Variants in BEAN1 observed in about 807,000 individuals in gnomAD.
BEAN1 encodes protein BEAN1.
Under a neutral mutation model 17.7 loss-of-function variants are expected in BEAN1, and 17 were observed. The ratio of observed to expected loss-of-function variants is 0.96; its 90% CI spans 0.66 to 1.44. The LOEUF is 1.44. Ranked by LOEUF, BEAN1 falls within the 40% of genes most tolerant of loss-of-function variation. BEAN1 has a pLI of 0.00. For missense variants in BEAN1, 359 were observed against 374.1 expected (o/e 0.96, Z 0.33); for synonymous variants, 142 against 151.8 (o/e 0.94, Z 0.47).
chr16:66,456,332 A>AT (rs1257827575), intron 2 of BEAN1, among the ~76,000 whole-genome samples: 1 of 152,236 alleles, frequency 6.6e-6, no homozygotes, highest in Non-Finnish European at 1.5e-5. Flanking sequence ...CTGAGCCATG[A>AT]TTTTGAGTAG....
At chr16:66,467,903 T>C (rs1567500538) in intron 2 of BEAN1, among the ~76,000 whole-genome samples, 1 of 152,272 alleles carries the variant, frequency 6.6e-6, no homozygotes, top group South Asian at 2.1e-4. Flanking sequence ...GGCATGTTTC[T>C]AGCCCCAGCT....
At chr16:66,478,727 T>G (rs1236083667) in intron 4 of BEAN1, among the ~76,000 whole-genome samples, 4 of 152,180 alleles carry the variant, frequency 2.6e-5, no homozygotes, top group East Asian at 1.9e-4. Flanking sequence ...GTCGTTACTA[T>G]TTCGAGGCCA....
chr16:66,433,911 G>T (rs1315767633), intron 1 of BEAN1, among the ~76,000 whole-genome samples: 1 of 152,170 alleles, frequency 6.6e-6, no homozygotes, highest in African/African-American at 2.4e-5. Flanking sequence ...GCAGACCCAG[G>T]CTCTCTCCCC....
At chr16:66,438,452 C>A (rs1962119100) in intron 2 of BEAN1, among the ~76,000 whole-genome samples, 1 of 152,152 alleles carries the variant, frequency 6.6e-6, no homozygotes, top group Non-Finnish European at 1.5e-5. Flanking sequence ...AAACCCACTG[C>A]TCCTCTCAAA....
At chr16:66,460,280 A>G (rs1963032954) in intron 2 of BEAN1, among the ~76,000 whole-genome samples, 1 of 152,224 alleles carries the variant, frequency 6.6e-6, no homozygotes, top group Admixed American at 6.5e-5. Flanking sequence ...TGGAGGAAAG[A>G]CACTCTCCAC....
At chr16:66,459,315 CT>C (rs1298291222) in intron 2 of BEAN1, among the ~76,000 whole-genome samples, 1 of 151,556 alleles carries the variant, frequency 6.6e-6, no homozygotes, top group Non-Finnish European at 1.5e-5. Flanking sequence ...ATCTCTTTCT[CT>C]TTTTTTTTCT....
rs947271068 is a variant in BEAN1 at position 66,427,622 on chromosome 16, C to T, written c.-83+191C>T. 6.6e-6 allele frequency: 1 copy of T among 152,074 alleles called. No homozygotes were observed. The highest frequency in any genetic ancestry group is 1.5e-5 in the Non-Finnish European group (1 of 68,034). The allele number at this position is 152,074 out of a possible 1,614,324, so 9.4% of individuals were successfully genotyped here. On this transcript the variant is annotated intron_variant, in intron 1 of 4. Transcript: ENST00000536005. The surrounding 1 kb of genome is among the most constrained non-coding windows in gnomAD (Gnocchi z 4.7). ...GCGCGCTCGGAACGGAGCGGGATCC[C>T]GGGTCTCCCGCGGACCCTCGACCCC...
intron 2 of BEAN1, among the ~76,000 whole-genome samples, chr16:66,463,856 G>A (rs939688065): frequency 6.6e-6 from 1 of 152,132 alleles, no homozygotes; most frequent in African/African-American, 2.4e-5. Context: ...GCATTCAGTT[G>A]TCCTAACACC....
chr16:66,440,882 A>G (rs1292258834), intron 2 of BEAN1, among the ~76,000 whole-genome samples: 1 of 152,144 alleles, frequency 6.6e-6, no homozygotes, highest in Non-Finnish European at 1.5e-5. Context: ...TGGGGCGCTC[A>G]AGTCAGAAAT....
chr16:66,470,989 C>G (rs144985505), intron 3 of BEAN1, among the ~76,000 whole-genome samples: 1 of 152,338 alleles, frequency 6.6e-6, no homozygotes, highest in East Asian at 1.9e-4. Context: ...ACCCTTCACA[C>G]TGCAGGGTGA....
chr16:66,492,441 C>A (rs571506709), intron 4 of BEAN1, among the ~76,000 whole-genome samples: 1 of 151,744 alleles, frequency 6.6e-6, no homozygotes, highest in Non-Finnish European at 1.5e-5. Context: ...TCTCTTTTTG[C>A]GTTTTTTTGT....
chr16:66,447,113 T>A (rs1207330468), intron 2 of BEAN1, among the ~76,000 whole-genome samples: 1 of 152,060 alleles, frequency 6.6e-6, no homozygotes, highest in Non-Finnish European at 1.5e-5. Context: ...CTACAAAAAA[T>A]TTAAAGATTA....
intron 1 of BEAN1, among the ~76,000 whole-genome samples, chr16:66,433,221 G>T (rs1452275263): frequency 6.6e-6 from 1 of 152,110 alleles, no homozygotes; most frequent in East Asian, 1.9e-4. Flanking sequence ...TGATTCTCCT[G>T]CCTCAGCTTC....
Position 66,458,466 on chromosome 16 carries a change from C to T in BEAN1, c.26-11136C>T, listed in dbSNP as rs541744842. On this transcript the variant is annotated intron_variant, in intron 2 of 4. Transcript: ENST00000536005. The stretch of plus-strand genomic sequence containing the variant: ...CTGGAGGGAGTTGAATAATCAGTGC[C>T]TCTTCAAACAGCCAGCAGGTTCAGA... 1.3e-4 allele frequency among the ~76,000 whole-genome samples: 20 copies of T among 152,218 alleles called. No individual in the cohort carries two copies. The East Asian group carries it at 3.5e-3, about 26-fold the overall frequency.
chr16:66,481,049 TG>T lies in BEAN1; in HGVS notation c.*125del. ...TCATAACACACACATAGACCAAACT[TG>T]TATACACACAGACATCTACACTGAC... is the stretch of plus-strand genomic sequence containing the variant. On this transcript the variant is annotated 3_prime_UTR_variant, in exon 5 of 5. Coordinates refer to ENST00000536005, the MANE Select transcript of BEAN1 (RefSeq NM_001178020.3). This position sits in a 1 kb window ranked among gnomAD's most constrained non-coding sequence, Gnocchi z 4.1. 1.4e-6 allele frequency: 1 copy of T among 718,362 alleles called. No individual in the cohort carries two copies. Among genetic ancestry groups the T allele is most frequent in the Non-Finnish European group, 2.1e-6 (1 of 479,806 alleles). The allele number at this position is 718,362 out of a possible 1,614,324, so 44.5% of individuals were successfully genotyped here. A position where few individuals can be genotyped will look rare whatever the true frequency, so the allele number is the denominator to read the frequency against.
At position 66,477,609 on chromosome 16, in the gene BEAN1, C is replaced by T; in HGVS notation, c.339C>T (p.Ala113=). ...GCTCAAGCCGCAGGATGCGCTATGC[C>T]TGCAGCTCCTCAGAGGACTGGCCCC... ...YSRSSRRMRY[A]CSSSEDWPPP... The change falls in exon 4 of 5, where the codon GCC becomes GCT. Residue 113 remains alanine (A), a synonymous_variant. Transcript: ENST00000536005. 1.9e-6 allele frequency: 3 copies of T among 1,551,130 alleles called. No individual in the cohort carries two copies. The highest frequency in any genetic ancestry group is 2.6e-6 in the Non-Finnish European group (3 of 1,146,808).
At chr16:66,477,894 A>T (rs1382645234) in intron 4 of BEAN1, 184 bp downstream of exon 4, 3 of 573,630 alleles carry the variant, frequency 5.2e-6, no homozygotes, top group East Asian at 7.0e-5. Flanking sequence ...AGGCAGTGTG[A>T]CTTAGCAGAT....
intron 2 of BEAN1, among the ~76,000 whole-genome samples, chr16:66,438,309 G>A (rs575810349): frequency 2.6e-5 from 4 of 151,414 alleles, no homozygotes; most frequent in Admixed American, 6.6e-5. Flanking sequence ...GCTTGAATCC[G>A]GGAGGCGGAG....
chr16:66,462,067 C>A (rs1199427317), intron 2 of BEAN1, among the ~76,000 whole-genome samples: 1 of 152,178 alleles, frequency 6.6e-6, no homozygotes, highest in African/African-American at 2.4e-5. Context: ...GGAAAGAGAA[C>A]CATGGTCAAT....
Sources: gnomAD v4.1 joint callset for allele counts (sites outside exome capture counted in the v4.1 genomes callset) on GRCh38, gnomAD v4.1.1 for gene constraint, Gnocchi (gnomAD v3.1) non-coding constraint, MANE v1.5 for transcripts, NCBI Gene and HGNC (gene_info 2026-07-23, HGNC 2026-07-21) for gene names.